MORN1: variants seen among roughly 807,000 people sequenced by gnomAD.
MORN1 encodes MORN repeat containing 1.
MORN1 carries 67 observed loss-of-function variants against 61.9 expected under a neutral mutation model. The ratio of observed to expected loss-of-function variants is 1.08; its 90% confidence interval spans 0.89 to 1.33. MORN1 has a LOEUF of 1.33. MORN1 is among the 40% of genes most tolerant of loss of function. The pLI is 0.00. For missense variants in MORN1, 752 were observed against 691.2 expected (o/e 1.09, Z -0.99); for synonymous variants, 301 against 292.0 (o/e 1.03, Z -0.31).
At chr1:2,356,932 G>A (rs567494862) in intron 10 of MORN1, among the ~76,000 whole-genome samples, 3 of 152,312 alleles carry the variant, frequency 2.0e-5, no homozygotes, top group African/African-American at 4.8e-5. Context: ...GGGGGGTTCT[G>A]CCGGAGCACC....
At chr1:2,346,004 CAG>C (rs1641508543) in intron 10 of MORN1, among the ~76,000 whole-genome samples, 1 of 152,014 alleles carries the variant, frequency 6.6e-6, no homozygotes. Flanking sequence ...GAACCTTCCT[CAG>C]ACAAAGCCAC....
chr1:2,322,748 T>C (rs1289957985), intron 13 of MORN1: 2 of 985,344 alleles, frequency 2.0e-6, no homozygotes, highest in Non-Finnish European at 2.4e-6. Context: ...GCTATACCAG[T>C]GGTGGCCAAG....
intron 13 of MORN1, chr1:2,322,219 GA>G: frequency 1.0e-6 from 1 of 985,370 alleles, no homozygotes; most frequent in Non-Finnish European, 1.2e-6. Context: ...CCATAAAAAA[GA>G]AAATAAGAAA....
intron 12 of MORN1, among the ~76,000 whole-genome samples, chr1:2,331,877 C>T (rs1165509846): frequency 3.0e-5 from 4 of 132,060 alleles, no homozygotes; most frequent in African/African-American, 1.2e-4. Flanking sequence ...CCTCGTGCGC[C>T]TCTCCCGCCC....
At chr1:2,344,958 G>A (rs1385466906) in intron 10 of MORN1, among the ~76,000 whole-genome samples, 4 of 151,628 alleles carry the variant, frequency 2.6e-5, no homozygotes, top group Admixed American at 1.3e-4. Context: ...CTCACACTCT[G>A]CGCTCATGGA....
Position 2,357,963 on chromosome 1 carries a change from A to C in MORN1, c.870-365T>G, listed in dbSNP as rs1351330260. Among the ~76,000 whole-genome samples the C allele has an allele frequency of 1.3e-5, 2 of 152,090 alleles. No individual in the cohort carries two copies. Among genetic ancestry groups the C allele is most frequent in the Non-Finnish European group, 2.9e-5 (2 of 68,012 alleles). On this transcript the variant is annotated intron_variant, in intron 9 of 13. Transcript: ENST00000378531. The surrounding 1 kb of genome is among the most constrained non-coding windows in gnomAD (Gnocchi z 6.3). ...AGGAGAAGGGCCGGTGGGAAAAGGG[A>C]GTGTGAGAGCTGTGGCGTCACACTC...
chr1:2,355,597 C>A, intron 10 of MORN1: 1 of 895,292 alleles, frequency 1.1e-6, no homozygotes. Flanking sequence ...CGGCCAGGGG[C>A]ATTCCGCTGC....
intron 12 of MORN1, among the ~76,000 whole-genome samples, chr1:2,325,494 G>C (rs72642144): frequency 1.3e-5 from 2 of 151,230 alleles, no homozygotes; most frequent in Non-Finnish European, 2.9e-5. Context: ...GACCACAGGA[G>C]TGTGCCACCA....
At chr1:2,384,806 A>G (rs570420044) in intron 6 of MORN1, among the ~76,000 whole-genome samples, 172 bp downstream of exon 6, 51 of 152,290 alleles carry the variant, frequency 3.3e-4, no homozygotes, top group African/African-American at 1.2e-3. Context: ...TCTTTTCCCA[A>G]CAGGGAACTG....
intron 6 of MORN1, among the ~76,000 whole-genome samples, chr1:2,382,249 A>C (rs1642388956): frequency 6.6e-6 from 1 of 152,144 alleles, no homozygotes; most frequent in South Asian, 2.1e-4. Flanking sequence ...ACAGGCCCTG[A>C]CCAGGTCCTC....
intron 6 of MORN1, chr1:2,379,108 C>T (rs773484054): frequency 8.7e-5 from 41 of 471,086 alleles, no homozygotes; most frequent in Non-Finnish European, 1.7e-4. Context: ...AGAAAACACA[C>T]CTGCTGTCGA....
rs1228914064 is a variant in MORN1 at position 2,357,573 on chromosome 1, C to T, written c.895G>A (p.Val299Met). 6.2e-7 allele frequency: 1 copy of T among 1,608,844 alleles called. No homozygotes were observed. The highest frequency in any genetic ancestry group is 8.5e-7 in the Non-Finnish European group (1 of 1,177,632). Reference sequence around the variant, plus strand: ...GGCACCCCAGCTGCGGGGCTGGACACAGGATAAGGGATGCATTCGAACCCA... The same window carrying T: ...GGCACCCCAGCTGCGGGGCTGGACATAGGATAAGGGATGCATTCGAACCCA... ...PFGFECIPYP[V>M]SSPAAGVPGP... is the part of the protein sequence containing the mutation. Residue 299 changes from valine (V) to methionine (M), a missense_variant, in exon 10 of 14, where the codon GTG becomes ATG. Val to Met is a conservative substitution (Grantham distance 21, BLOSUM62 1). Transcript: ENST00000378531. The surrounding 1 kb of genome is among the most constrained non-coding windows in gnomAD (Gnocchi z 6.3).
intron 5 of MORN1, chr1:2,385,407 C>G: frequency 2.4e-6 from 1 of 425,232 alleles, no homozygotes; most frequent in Non-Finnish European, 4.3e-6. Flanking sequence ...AATTTCCACA[C>G]GGGCTGAAGA....
chr1:2,389,177 G>A (rs1429030327), intron 2 of MORN1, among the ~76,000 whole-genome samples: 1 of 152,158 alleles, frequency 6.6e-6, no homozygotes, highest in Non-Finnish European at 1.5e-5. Flanking sequence ...CTGCGTGAGA[G>A]GAGTACAGTG....
chr1:2,380,116 G>C lies in MORN1; in HGVS notation c.537+4862C>G, dbSNP rs148379107. On this transcript the variant is annotated intron_variant, in intron 6 of 13. Coordinates refer to ENST00000378531, the MANE Select transcript of MORN1 (RefSeq NM_024848.3). ...CAGCATGGAGGCTTCTGGGGACACC[G>C]CGCCGGGTGAAACAAGCCTGGCACG... Among the ~76,000 whole-genome samples, 7 of 152,304 alleles carry C rather than the reference G, an allele frequency of 4.6e-5. No individual in the cohort carries two copies. In the East Asian group the frequency reaches 1.4e-3, roughly 29 times the overall value.
intron 8 of MORN1, among the ~76,000 whole-genome samples, chr1:2,363,802 A>AAACAAAC (rs1288823612): frequency 3.7e-5 from 3 of 80,404 alleles, no homozygotes; most frequent in African/African-American, 2.4e-4. Context: ...ACAAACAAAC[A>AAACAAAC]AACAAAAAAA....
chr1:2,367,306 C>CAAA (rs56188781), intron 8 of MORN1, among the ~76,000 whole-genome samples: 3 of 132,812 alleles, frequency 2.3e-5, no homozygotes, highest in Non-Finnish European at 1.6e-5. Context: ...ATTGCTCTAT[C>CAAA]AAAAAAAAAA....
At chr1:2,389,633 G>A (rs1010017681) in intron 2 of MORN1, among the ~76,000 whole-genome samples, 1 of 152,176 alleles carries the variant, frequency 6.6e-6, no homozygotes, top group East Asian at 1.9e-4. Context: ...TTTATAATAG[G>A]AAATAAACCA....
At chr1:2,342,161 G>C (rs761772753) in intron 10 of MORN1, among the ~76,000 whole-genome samples, 23 of 152,410 alleles carry the variant, frequency 1.5e-4, no homozygotes, top group Non-Finnish European at 2.4e-4. Context: ...CCGAGAGGCT[G>C]AGCCAGCCCG....
Sources: gnomAD v4.1 joint callset for allele counts (sites outside exome capture counted in the v4.1 genomes callset) on GRCh38, gnomAD v4.1.1 for gene constraint, Gnocchi (gnomAD v3.1) non-coding constraint, MANE v1.5 for transcripts, NCBI Gene and HGNC (gene_info 2026-07-23, HGNC 2026-07-21) for gene names.